Variants in SND1 observed in about 807,000 individuals in gnomAD.
SND1 encodes staphylococcal nuclease and tudor domain containing 1, also known as staphylococcal nuclease domain-containing protein 1.
In SND1, 38 loss-of-function variants were observed where a neutral mutation model predicts 121.7. The ratio of observed to expected loss-of-function variants is 0.31; its 90% CI spans 0.24 to 0.41. SND1 has a LOEUF of 0.41. Ranked by LOEUF, SND1 falls within the 10% of genes least tolerant of loss-of-function variation. The pLI is 1.00. For synonymous variants in SND1, 401 were observed against 447.4 expected, an observed-to-expected ratio of 0.90 and a Z score of 1.31; for missense variants, 868 against 1,184.6, an observed-to-expected ratio of 0.73 and a Z score of 3.92.
chr7:128,068,565 G>A (rs1243575440), intron 16 of SND1, among the ~76,000 whole-genome samples: 1 of 152,198 alleles, frequency 6.6e-6, no homozygotes, highest in East Asian at 1.9e-4. Flanking sequence ...TGGGGACAGG[G>A]ACCAAGTGTA....
intron 16 of SND1, among the ~76,000 whole-genome samples, chr7:128,009,561 T>C (rs893891951): frequency 4.6e-5 from 7 of 152,226 alleles, no homozygotes; most frequent in African/African-American, 1.7e-4. Context: ...ACTTGAAATA[T>C]GGTTTATACA....
At chr7:128,040,578 A>C (rs546653275) in intron 16 of SND1, among the ~76,000 whole-genome samples, 1 of 151,816 alleles carries the variant, frequency 6.6e-6, no homozygotes, top group Non-Finnish European at 1.5e-5. Flanking sequence ...AAATTTTAGC[A>C]TCTGTAAAGT....
At position 127,656,312 on chromosome 7, in the gene SND1, T is replaced by TTTTC. The variant is rs1384843722; in HGVS notation, c.78+3873_78+3876dup. On this transcript the variant is annotated intron_variant, in intron 1 of 23. Coordinates refer to ENST00000354725, the MANE Select transcript of SND1 (RefSeq NM_014390.4). ...TTAGGTTTCTTTCTTTTTCTTTTTC[T>TTTTC]TTTCTTTCTTTCTTTTTTTTTTTTT... 5.9e-5 allele frequency among the ~76,000 whole-genome samples: 9 copies of TTTTC among 151,670 alleles called. No individual in the cohort carries two copies. In the South Asian group the frequency reaches 1.5e-3, roughly 25 times the overall value.
At chr7:127,727,766 C>T (rs1261433317) in intron 10 of SND1, among the ~76,000 whole-genome samples, 2 of 152,078 alleles carry the variant, frequency 1.3e-5, no homozygotes, top group African/African-American at 2.4e-5. Context: ...GCATTCTGTA[C>T]GAGTTTCAAA....
intron 10 of SND1, among the ~76,000 whole-genome samples, chr7:127,732,453 C>T (rs1301956897): frequency 6.6e-6 from 1 of 152,150 alleles, no homozygotes; most frequent in African/African-American, 2.4e-5. Context: ...CTTATATGCC[C>T]TTGTCTTGTG....
At chr7:127,671,274 A>G (rs1396040327) in intron 1 of SND1, among the ~76,000 whole-genome samples, 1 of 152,242 alleles carries the variant, frequency 6.6e-6, no homozygotes, top group Non-Finnish European at 1.5e-5. Flanking sequence ...TTAGAATAAT[A>G]GAGATAACTC....
chr7:127,662,592 T>G (rs145445310), intron 1 of SND1, among the ~76,000 whole-genome samples: 15 of 152,314 alleles, frequency 9.8e-5, no homozygotes, highest in African/African-American at 3.6e-4. Flanking sequence ...ACCTTAGCTG[T>G]TTATTTCTTA....
chr7:127,806,366 A>C (rs1798238798), intron 10 of SND1, among the ~76,000 whole-genome samples: 1 of 152,120 alleles, frequency 6.6e-6, no homozygotes, highest in Non-Finnish European at 1.5e-5. Context: ...AGACCCTCTT[A>C]TATCATCTAA....
At chr7:127,844,238 C>G (rs1799016853) in intron 11 of SND1, 86 bp from the exon 12 acceptor site, 1 of 979,840 alleles carries the variant, frequency 1.0e-6, no homozygotes, top group Admixed American at 2.4e-5. Flanking sequence ...GTGAGCTGAT[C>G]TTTCACAGTT....
At chr7:127,909,700 G>A (rs551557424) in intron 14 of SND1, among the ~76,000 whole-genome samples, 26 of 152,146 alleles carry the variant, frequency 1.7e-4, no homozygotes, top group Non-Finnish European at 2.6e-4. Flanking sequence ...CCAAAGTATT[G>A]CTATTATAGG....
chr7:127,656,643 G>T (rs1288102039), intron 1 of SND1, among the ~76,000 whole-genome samples: 2 of 152,130 alleles, frequency 1.3e-5, no homozygotes, highest in Non-Finnish European at 1.5e-5. Flanking sequence ...GAAAAGTTCA[G>T]TGGGGACAGA....
chr7:128,055,602 A>G (rs780768803), intron 16 of SND1, among the ~76,000 whole-genome samples: 2 of 152,194 alleles, frequency 1.3e-5, no homozygotes, highest in Non-Finnish European at 2.9e-5. Flanking sequence ...ACGAGCCCCA[A>G]AGGTAATGAG....
At chr7:128,074,475 A>T (rs777668054) in intron 16 of SND1, 27 bp from the exon 17 acceptor site, 50 of 1,587,622 alleles carry the variant, frequency 3.1e-5, no homozygotes, top group Admixed American at 1.0e-4. Context: ...TGGCCCCCAC[A>T]GGCTTACGCC....
intron 22 of SND1, 132 bp from the exon 23 acceptor site, chr7:128,091,705 G>C: frequency 2.3e-6 from 2 of 886,884 alleles, no homozygotes; most frequent in East Asian, 4.8e-5. Context: ...TTACTCTGAG[G>C]GAACTAAGGC....
chr7:128,061,466 G>A (rs561927927), intron 16 of SND1, among the ~76,000 whole-genome samples: 6 of 152,310 alleles, frequency 3.9e-5, no homozygotes, highest in East Asian at 1.9e-4. Context: ...CAAGATGCCC[G>A]GGCTAGGCAA....
intron 8 of SND1, among the ~76,000 whole-genome samples, chr7:127,707,283 A>G (rs1796218353): frequency 1.3e-5 from 2 of 152,242 alleles, no homozygotes; most frequent in South Asian, 4.1e-4. Context: ...GAGATATTAG[A>G]TAAACCAGAG....
chr7:127,833,725 T>C (rs897072602), intron 11 of SND1, among the ~76,000 whole-genome samples: 1 of 151,996 alleles, frequency 6.6e-6, no homozygotes. Flanking sequence ...AAAATAAAAT[T>C]TACCTTCTTA....
At chr7:127,655,186 A>G (rs1395879316) in intron 1 of SND1, among the ~76,000 whole-genome samples, 1 of 152,188 alleles carries the variant, frequency 6.6e-6, no homozygotes, top group East Asian at 1.9e-4. Context: ...TTGCTGCTGT[A>G]AAGAGGAATA....
intron 15 of SND1, among the ~76,000 whole-genome samples, chr7:127,941,180 C>G (rs947323296): frequency 1.3e-5 from 2 of 152,152 alleles, no homozygotes; most frequent in Non-Finnish European, 2.9e-5. Flanking sequence ...TTAAATGACC[C>G]TCTTAATCTA....
Sources: allele counts gnomAD v4.1 joint callset (sites outside exome capture counted in the v4.1 genomes callset), GRCh38; gene constraint gnomAD v4.1.1; transcripts MANE v1.5; gene names NCBI Gene and HGNC (gene_info 2026-07-23, HGNC 2026-07-21).